TTC28: variants seen among roughly 807,000 people sequenced by gnomAD.
TTC28 encodes tetratricopeptide repeat domain 28, also known as tetratricopeptide repeat protein 28.
TTC28 carries 61 observed loss-of-function variants against 198.0 expected under a neutral mutation model. The ratio of observed to expected loss-of-function variants is 0.31; its 90% CI spans 0.25 to 0.38. The LOEUF (loss-of-function observed/expected upper bound fraction) is 0.38. Ranked by LOEUF, TTC28 falls within the 10% of genes least tolerant of loss-of-function variation. The probability of loss-of-function intolerance (pLI) is 1.00; values close to 1 mark genes in which losing one functional copy is unlikely to be tolerated. For synonymous variants in TTC28, 1,171 were observed against 1,297.8 expected, an observed-to-expected ratio of 0.90 and a Z score of 2.10; for missense variants, 2,678 against 3,164.0, an observed-to-expected ratio of 0.85 and a Z score of 3.69.
At chr22:28,631,108 C>T (rs1270376880) in intron 1 of TTC28, among the ~76,000 whole-genome samples, 1 of 152,090 alleles carries the variant, frequency 6.6e-6, no homozygotes, top group Non-Finnish European at 1.5e-5. Flanking sequence ...CCAGTCTGGA[C>T]AACACAGTGA....
intron 2 of TTC28, among the ~76,000 whole-genome samples, chr22:28,410,587 C>T (rs1421756356): frequency 1.3e-5 from 2 of 152,070 alleles, no homozygotes; most frequent in Non-Finnish European, 2.9e-5. Context: ...AAGCACAGAC[C>T]TTAGTAATCA....
chr22:28,305,942 T>C (rs188521235), intron 3 of TTC28, among the ~76,000 whole-genome samples: 1 of 152,256 alleles, frequency 6.6e-6, no homozygotes, highest in African/African-American at 2.4e-5. Context: ...AGGCAGAAAA[T>C]ATGTAAACTG....
At chr22:28,028,041 G>A (rs1045479541) in intron 13 of TTC28, among the ~76,000 whole-genome samples, 5 of 152,250 alleles carry the variant, frequency 3.3e-5, no homozygotes, top group South Asian at 2.1e-4. Context: ...TGAGAGAGGC[G>A]CCAGAGAACA....
intron 2 of TTC28, among the ~76,000 whole-genome samples, chr22:28,616,358 A>AT (rs1044718294): frequency 2.0e-5 from 3 of 152,206 alleles, no homozygotes; most frequent in Non-Finnish European, 4.4e-5. Context: ...AAATAGAAGG[A>AT]TTTGAACTAG....
At chr22:28,030,184 C>T (rs1939015552) in intron 13 of TTC28, 42 bp downstream of exon 13, 1 of 1,548,696 alleles carries the variant, frequency 6.5e-7, no homozygotes, top group Non-Finnish European at 8.7e-7. Flanking sequence ...GCTCAGAGCA[C>T]CCTGCCCTGC....
At chr22:28,475,893 G>T (rs111747215) in intron 2 of TTC28, among the ~76,000 whole-genome samples, 1 of 152,202 alleles carries the variant, frequency 6.6e-6, no homozygotes, top group African/African-American at 2.4e-5. Context: ...TCCTTTCCAA[G>T]GAAAAAGCTT....
intron 6 of TTC28, among the ~76,000 whole-genome samples, chr22:28,124,501 T>G (rs769539328): frequency 1.3e-5 from 2 of 152,154 alleles, no homozygotes. Flanking sequence ...ATCTCACAAG[T>G]GGGTTGTTAA....
intron 2 of TTC28, among the ~76,000 whole-genome samples, chr22:28,357,845 G>A (rs134507): frequency 0.29 from 43,402 of 151,836 alleles, 6,711 homozygotes; most frequent in African/African-American, 0.39. Flanking sequence ...AGAGCAGCAG[G>A]CAACACCACG....
Position 28,105,730 on chromosome 22 carries a change from C to T in TTC28, c.2856G>A (p.Glu952=). 1.9e-6 allele frequency: 3 copies of T among 1,551,734 alleles called. No homozygotes were observed. The highest frequency in any genetic ancestry group is 2.6e-6 in the Non-Finnish European group (3 of 1,147,012). Reference sequence around the variant, plus strand: ...CATAGGCCTGGGCTTTATTGAAGGCCTCTCCAAGTTCATGAGCAACCACGA... The same window carrying T: ...CATAGGCCTGGGCTTTATTGAAGGCTTCTCCAAGTTCATGAGCAACCACGA... ...KRLVVAHELG[E]AFNKAQAYGE... Residue 952 remains glutamate, a synonymous_variant, in exon 8 of 23, where the codon GAG becomes GAA. Coordinates refer to ENST00000397906, the MANE Select transcript of TTC28 (RefSeq NM_001145418.2).
At chr22:28,570,369 T>C (rs1390303781) in intron 2 of TTC28, among the ~76,000 whole-genome samples, 1 of 152,194 alleles carries the variant, frequency 6.6e-6, no homozygotes, top group Non-Finnish European at 1.5e-5. Flanking sequence ...TGGTATACTA[T>C]GCAGCCTTAA....
intron 13 of TTC28, among the ~76,000 whole-genome samples, chr22:28,018,298 TGC>T (rs1433368883): frequency 2.6e-5 from 1 of 38,662 alleles, no homozygotes; most frequent in Admixed American, 3.9e-4. Context: ...CGCGCGTGTG[TGC>T]GCGCGCGGGG....
At chr22:28,384,169 C>T (rs890747358) in intron 2 of TTC28, among the ~76,000 whole-genome samples, 1 of 152,268 alleles carries the variant, frequency 6.6e-6, no homozygotes, top group African/African-American at 2.4e-5. Context: ...TTAAGAAACA[C>T]CTTTATGTTC....
intron 5 of TTC28, among the ~76,000 whole-genome samples, chr22:28,224,258 A>G (rs1928114782): frequency 6.6e-6 from 1 of 152,178 alleles, no homozygotes; most frequent in Admixed American, 6.5e-5. Context: ...AAAATGCAGT[A>G]GGTCTGGGGC....
chr22:28,248,367 C>T (rs554990631), intron 5 of TTC28, among the ~76,000 whole-genome samples: 1 of 152,264 alleles, frequency 6.6e-6, no homozygotes, highest in South Asian at 2.1e-4. Flanking sequence ...CTTTCTCAGG[C>T]TCTTCTTCAT....
intron 5 of TTC28, among the ~76,000 whole-genome samples, chr22:28,225,884 T>C (rs2147215425): frequency 6.6e-6 from 1 of 152,358 alleles, no homozygotes; most frequent in Middle Eastern, 3.4e-3. Context: ...TGAAATCATT[T>C]TGTAGATACT....
chr22:28,656,457 G>A (rs1040568703), intron 1 of TTC28, among the ~76,000 whole-genome samples: 11 of 152,136 alleles, frequency 7.2e-5, no homozygotes, highest in Non-Finnish European at 1.0e-4. Flanking sequence ...CTCGCAACAG[G>A]GAGCAGCTGG....
At chr22:28,351,015 T>C (rs1456762461) in intron 2 of TTC28, among the ~76,000 whole-genome samples, 1 of 152,042 alleles carries the variant, frequency 6.6e-6, no homozygotes, top group African/African-American at 2.4e-5. Context: ...ACCCTGTCTC[T>C]ACTAAAAATA....
rs555407655 is a variant in TTC28, at chr22:27,981,951, C to G, written c.*270G>C. 9 of 383,454 alleles carry G rather than the reference C, an allele frequency of 2.3e-5. No homozygotes were observed. The highest frequency in any genetic ancestry group is 1.7e-4 in the African/African-American group (8 of 48,382). The allele number at this position is 383,454 out of a possible 1,614,324, so 23.8% of individuals were successfully genotyped here. A position where few individuals can be genotyped will look rare whatever the true frequency, so the allele number is the denominator to read the frequency against. On this transcript the variant is annotated 3_prime_UTR_variant, in exon 23 of 23. Transcript: ENST00000397906. ...TATCAAAGATGAGAAGCAGGGAGTT[C>G]AAAGGTAAACAAACATTTGGTGAAG...
chr22:28,412,989 G>A (rs1463262870), intron 2 of TTC28, among the ~76,000 whole-genome samples: 1 of 151,994 alleles, frequency 6.6e-6, no homozygotes, highest in Non-Finnish European at 1.5e-5. Flanking sequence ...CTAGAGTTCC[G>A]TAACTTTTTA....
Sources: allele counts gnomAD v4.1 joint callset (sites outside exome capture counted in the v4.1 genomes callset), GRCh38; gene constraint gnomAD v4.1.1; transcripts MANE v1.5; gene names NCBI Gene and HGNC (gene_info 2026-07-23, HGNC 2026-07-21).